The following SLC24A2 variants were observed in gnomAD, a reference collection of about 807,000 sequenced individuals.
SLC24A2 encodes sodium/potassium/calcium exchanger 2.
In SLC24A2, 36 loss-of-function variants were observed where a neutral mutation model predicts 62.0. That is an observed-to-expected ratio of 0.58 (90% CI 0.44 to 0.77). The LOEUF is 0.77. Among genes scored for constraint, SLC24A2 ranks in the 30% least tolerant of loss-of-function variants. The pLI is 0.00. For synonymous variants in SLC24A2, 358 were observed against 294.0 expected, an observed-to-expected ratio of 1.22 and a Z score of -2.23; for missense variants, 846 against 817.9, an observed-to-expected ratio of 1.03 and a Z score of -0.42.
chr9:20,051,780 A>G, the SLC24A2 span, among the ~76,000 whole-genome samples: 1 of 148,370 alleles, frequency 6.7e-6, no homozygotes, highest in Non-Finnish European at 1.5e-5. Flanking sequence ...TGAGCTGTTA[A>G]TTTTTAGGAC....
At chr9:19,911,774 G>T in the SLC24A2 span, among the ~76,000 whole-genome samples, 1 of 152,142 alleles carries the variant, frequency 6.6e-6, no homozygotes, top group Non-Finnish European at 1.5e-5. Flanking sequence ...CTTGACCTGT[G>T]GTTATGGGAG....
At chr9:19,731,678 C>T (rs909700232) in intron 2 of SLC24A2, among the ~76,000 whole-genome samples, 1 of 152,180 alleles carries the variant, frequency 6.6e-6, no homozygotes. Context: ...TAGATTTCTG[C>T]CGTTTAAGCC....
the SLC24A2 span, among the ~76,000 whole-genome samples, chr9:19,989,240 A>T: frequency 5.3e-5 from 8 of 152,200 alleles, no homozygotes; most frequent in Admixed American, 2.6e-4. Flanking sequence ...CTCCAGAATC[A>T]TTAGAACTCT....
At chr9:19,757,368 T>A (rs968453956) in intron 2 of SLC24A2, among the ~76,000 whole-genome samples, 2 of 152,172 alleles carry the variant, frequency 1.3e-5, no homozygotes, top group Non-Finnish European at 2.9e-5. Context: ...TTTCACTGAT[T>A]CATAAAGTTA....
At chr9:20,034,728 A>G in the SLC24A2 span, among the ~76,000 whole-genome samples, 1 of 152,128 alleles carries the variant, frequency 6.6e-6, no homozygotes, top group African/African-American at 2.4e-5. Context: ...TTGACCTCCC[A>G]AAGTGCTGGG....
the SLC24A2 span, among the ~76,000 whole-genome samples, chr9:19,961,139 G>C: frequency 1.7e-5 from 1 of 57,168 alleles, no homozygotes; most frequent in Non-Finnish European, 4.3e-5. Context: ...CAGAAGAAAG[G>C]GGAGAGAGAG....
chr9:20,278,617 T>C, the SLC24A2 span, among the ~76,000 whole-genome samples: 2 of 152,180 alleles, frequency 1.3e-5, no homozygotes, highest in African/African-American at 4.8e-5. Context: ...TCCATATCAC[T>C]ATCAGCATTT....
the SLC24A2 span, among the ~76,000 whole-genome samples, chr9:20,021,261 A>G: frequency 6.6e-6 from 1 of 152,074 alleles, no homozygotes; most frequent in South Asian, 2.1e-4. Flanking sequence ...TAGTATGTGT[A>G]CAATCCATTT....
At chr9:19,967,247 T>A in the SLC24A2 span, 3 of 152,188 alleles carry the variant, frequency 2.0e-5, no homozygotes, top group Admixed American at 1.3e-4. Context: ...CTTCTAAATA[T>A]AGAAAGCAAG....
At chr9:19,725,318 T>C (rs956738432) in intron 2 of SLC24A2, among the ~76,000 whole-genome samples, 8 of 152,216 alleles carry the variant, frequency 5.3e-5, no homozygotes, top group African/African-American at 1.4e-4. Context: ...TTGCACGTTA[T>C]AATTACATAT....
At chr9:20,265,151 C>T in the SLC24A2 span, among the ~76,000 whole-genome samples, 1 of 152,236 alleles carries the variant, frequency 6.6e-6, no homozygotes, top group African/African-American at 2.4e-5. Flanking sequence ...ACTTCTGGAG[C>T]CTTCCTCATC....
chr9:20,291,748 T>C, the SLC24A2 span, among the ~76,000 whole-genome samples: 2 of 152,176 alleles, frequency 1.3e-5, no homozygotes, highest in Non-Finnish European at 2.9e-5. Context: ...ATGGAGGATC[T>C]TGAACGTAAC....
chr9:20,269,552 C>G, the SLC24A2 span, among the ~76,000 whole-genome samples: 1 of 152,180 alleles, frequency 6.6e-6, no homozygotes, highest in African/African-American at 2.4e-5. Flanking sequence ...TCATTCCCAG[C>G]AGCTCCGTTT....
chr9:20,076,650 G>A, the SLC24A2 span, among the ~76,000 whole-genome samples: 3 of 152,006 alleles, frequency 2.0e-5, no homozygotes, highest in African/African-American at 7.2e-5. Context: ...ACTTTGTTGT[G>A]GGAGCCCTAG....
At chr9:19,739,354 T>C (rs1379794036) in intron 2 of SLC24A2, among the ~76,000 whole-genome samples, 5 of 152,208 alleles carry the variant, frequency 3.3e-5, no homozygotes, top group African/African-American at 1.2e-4. Flanking sequence ...TAATTTAAAA[T>C]TTATTTGAAA....
In SLC24A2 at chr9:19,510,993, G is replaced by A. The variant is rs1361352605; in HGVS notation, c.*5160C>T. On this transcript the variant is annotated 3_prime_UTR_variant, in exon 11 of 11. Coordinates refer to ENST00000341998, the MANE Select transcript of SLC24A2 (RefSeq NM_020344.4). ...TGAGCAAGGCTGGTGCCCCATGTGTGAGGAAGGCATGCAAAATGCCAGTGT... is the reference window on the plus strand; with the variant it reads ...TGAGCAAGGCTGGTGCCCCATGTGTAAGGAAGGCATGCAAAATGCCAGTGT... 1 of 152,202 alleles carries A rather than the reference G, an allele frequency of 6.6e-6. No individual in the cohort carries two copies. Among genetic ancestry groups the A allele is most frequent in the Admixed American group, 6.6e-5 (1 of 15,266 alleles). 9.4% of individuals were successfully genotyped at this position (152,202 alleles called of 1,614,324 possible).
the SLC24A2 span, among the ~76,000 whole-genome samples, chr9:20,169,770 T>A: frequency 5.3e-5 from 8 of 151,856 alleles, no homozygotes; most frequent in East Asian, 9.8e-4. Context: ...CAAAACAAAG[T>A]TCTTTGACAC....
At chr9:19,971,055 C>G in the SLC24A2 span, among the ~76,000 whole-genome samples, 3 of 152,040 alleles carry the variant, frequency 2.0e-5, no homozygotes, top group African/African-American at 7.2e-5. Context: ...GTGGGGCAAA[C>G]AGAGATCTGA....
chr9:20,061,089 G>A, the SLC24A2 span, among the ~76,000 whole-genome samples: 1 of 151,932 alleles, frequency 6.6e-6, no homozygotes. Flanking sequence ...AAAATTCAAG[G>A]ATTATAAAAA....
Sources: gnomAD v4.1 joint callset for allele counts (sites outside exome capture counted in the v4.1 genomes callset) on GRCh38, gnomAD v4.1.1 for gene constraint, MANE v1.5 for transcripts, NCBI Gene and HGNC (gene_info 2026-07-23, HGNC 2026-07-21) for gene names.